The following LRP1B variants were observed in gnomAD, a reference collection of about 807,000 sequenced individuals.
The protein encoded by LRP1B is low-density lipoprotein receptor-related protein 1B.
LRP1B carries 217 observed loss-of-function variants against 556.6 expected under a neutral mutation model. That is an observed-to-expected ratio of 0.39 (90% CI 0.35 to 0.44). LRP1B has a LOEUF of 0.44. LRP1B is among the 20% of genes least tolerant of loss of function. The pLI is 1.00. For synonymous variants in LRP1B, 2,047 were observed against 1,865.8 expected, an observed-to-expected ratio of 1.10 and a Z score of -2.50; for missense variants, 5,053 against 5,620.8, an observed-to-expected ratio of 0.90 and a Z score of 3.23.
At chr2:141,455,908 C>T (rs1681611655) in intron 3 of LRP1B, among the ~76,000 whole-genome samples, 2 of 152,130 alleles carry the variant, frequency 1.3e-5, no homozygotes, top group Admixed American at 1.3e-4. Context: ...TCTACATTAC[C>T]ACTAATTATC....
At chr2:141,025,637 T>A (rs1698196561) in intron 11 of LRP1B, among the ~76,000 whole-genome samples, 1 of 152,060 alleles carries the variant, frequency 6.6e-6, no homozygotes, top group Non-Finnish European at 1.5e-5. Context: ...CAACATCAGC[T>A]CTTTTTGGGT....
chr2:140,386,050 T>G, intron 66 of LRP1B, 41 bp from the exon 67 acceptor site: 4 of 1,265,188 alleles, frequency 3.2e-6, no homozygotes, highest in Non-Finnish European at 4.6e-6. Flanking sequence ...TAGATTTCCA[T>G]GAAGACATCC....
rs113041573 is a variant in LRP1B at position 140,464,162 on chromosome 2, C to T, written c.9626-6511G>A. Among the ~76,000 whole-genome samples the T allele has an allele frequency of 2.4e-3, 367 of 152,084 alleles. 2 individuals are homozygous for T. The highest frequency in any genetic ancestry group is 8.2e-3 in the African/African-American group (342 of 41,486). On this transcript the variant is annotated intron_variant, in intron 60 of 90. Transcript: ENST00000389484. Reference sequence around the variant, plus strand: ...AGTGAGGCAAGATTGTGCCACTGCACTTCAGCCTGGGTGACAGAGCAAGAC... The same window carrying T: ...AGTGAGGCAAGATTGTGCCACTGCATTTCAGCCTGGGTGACAGAGCAAGAC...
rs140577541 is a variant in LRP1B, at chr2:140,501,862, T to C, written c.8675A>G (p.Asn2892Ser). ...PKCKSAEQSC[N>S]SSFFMCKNGR... is the part of the protein sequence containing the mutation. ...ATTTTTGCACATAAAAAATGAACTG[T>C]TGCATGACTGTTCTGGAAAAAAAAT... The change falls in exon 55 of 91, where the codon AAC (asparagine) becomes AGC (serine). Residue 2892 changes from asparagine (N) to serine (S), a missense_variant. By Grantham distance (46) the Asn-to-Ser change is conservative. This residue lies in a region of LRP1B where 3,619 missense variants were observed against 3,931.9 expected (regional missense o/e 0.92). Coordinates refer to ENST00000389484, the MANE Select transcript of LRP1B (RefSeq NM_018557.3). 2.7e-5 allele frequency: 43 copies of C among 1,599,744 alleles called. No homozygotes were observed. The highest frequency in any genetic ancestry group is 3.4e-5 in the Non-Finnish European group (40 of 1,172,546).
chr2:141,365,138 G>C (rs1688969176), intron 3 of LRP1B, among the ~76,000 whole-genome samples: 1 of 152,100 alleles, frequency 6.6e-6, no homozygotes. Flanking sequence ...TGTTCTAATA[G>C]ATTTTCAGTT....
At chr2:140,310,651 G>A (rs939385364) in intron 83 of LRP1B, among the ~76,000 whole-genome samples, 4 of 151,748 alleles carry the variant, frequency 2.6e-5, no homozygotes, top group Non-Finnish European at 5.9e-5. Context: ...ATGTGGAAAG[G>A]ACATCCTATT....
intron 7 of LRP1B, among the ~76,000 whole-genome samples, chr2:141,098,065 T>C (rs75214501): frequency 2.0e-5 from 3 of 152,130 alleles, no homozygotes; most frequent in African/African-American, 7.2e-5. Flanking sequence ...TAATAAAAAG[T>C]GCTTCACACT....
At chr2:140,337,411 A>T (rs1328349849) in intron 77 of LRP1B, among the ~76,000 whole-genome samples, 1 of 151,976 alleles carries the variant, frequency 6.6e-6, no homozygotes, top group Non-Finnish European at 1.5e-5. Flanking sequence ...ATATTCATAG[A>T]TGTTTAGAAT....
intron 1 of LRP1B, among the ~76,000 whole-genome samples, chr2:141,912,233 G>A (rs191063114): frequency 4.4e-4 from 67 of 152,054 alleles, no homozygotes; most frequent in Non-Finnish European, 7.5e-4. Context: ...CTTTCCCATG[G>A]TGTTGGTTTT....
chr2:140,310,730 C>G (rs564024947), intron 83 of LRP1B, among the ~76,000 whole-genome samples: 7 of 151,862 alleles, frequency 4.6e-5, no homozygotes, highest in African/African-American at 1.7e-4. Flanking sequence ...TAACTCTCAC[C>G]ATATACAAAA....
intron 7 of LRP1B, among the ~76,000 whole-genome samples, chr2:141,169,956 A>G (rs1680428539): frequency 6.6e-6 from 1 of 152,078 alleles, no homozygotes. Context: ...ACATCCTCTC[A>G]TAGCTGCCAC....
chr2:141,343,667 G>A (rs1380385999), intron 3 of LRP1B, among the ~76,000 whole-genome samples: 4 of 152,136 alleles, frequency 2.6e-5, no homozygotes, highest in Non-Finnish European at 4.4e-5. Flanking sequence ...CTTACTTTAT[G>A]ATGTGTGAAT....
At chr2:140,641,763 A>G (rs748027496) in intron 41 of LRP1B, among the ~76,000 whole-genome samples, 10 of 152,210 alleles carry the variant, frequency 6.6e-5, no homozygotes, top group Non-Finnish European at 1.3e-4. Context: ...CATGCATATG[A>G]CCATATAGAG....
At chr2:141,915,845 T>C (rs1700016107) in intron 1 of LRP1B, among the ~76,000 whole-genome samples, 2 of 152,104 alleles carry the variant, frequency 1.3e-5, no homozygotes, top group Non-Finnish European at 2.9e-5. Context: ...ACATCACTAA[T>C]TATCAGAGAA....
intron 43 of LRP1B, among the ~76,000 whole-genome samples, chr2:140,549,889 G>A (rs1470311108): frequency 6.6e-6 from 1 of 151,856 alleles, no homozygotes; most frequent in African/African-American, 2.4e-5. Context: ...TTAAGTTCCG[G>A]GGTACATGTG....
chr2:140,318,605 G>A (rs1030522588), intron 82 of LRP1B, among the ~76,000 whole-genome samples: 1 of 151,984 alleles, frequency 6.6e-6, no homozygotes, highest in Non-Finnish European at 1.5e-5. Flanking sequence ...GCCCTTCTAT[G>A]CACGTTATTG....
At chr2:140,573,958 C>T (rs1681422933) in intron 43 of LRP1B, among the ~76,000 whole-genome samples, 1 of 151,790 alleles carries the variant, frequency 6.6e-6, no homozygotes, top group Non-Finnish European at 1.5e-5. Flanking sequence ...CTTCTTATGG[C>T]CTATAAATAA....
chr2:140,667,342 G>C (rs145814497), intron 41 of LRP1B, among the ~76,000 whole-genome samples: 1 of 152,248 alleles, frequency 6.6e-6, no homozygotes, highest in East Asian at 1.9e-4. Flanking sequence ...CAATAGAGTT[G>C]AACCATTTAA....
intron 1 of LRP1B, among the ~76,000 whole-genome samples, chr2:141,921,852 G>A (rs1445781586): frequency 1.3e-5 from 2 of 151,836 alleles, no homozygotes; most frequent in Admixed American, 1.3e-4. Flanking sequence ...AGTAATTACA[G>A]GAAAATAAGG....
Sources: allele counts gnomAD v4.1 joint callset (sites outside exome capture counted in the v4.1 genomes callset), GRCh38; gene constraint gnomAD v4.1.1; regional missense constraint gnomAD v4.1.1; transcripts MANE v1.5; gene names NCBI Gene and HGNC (gene_info 2026-07-23, HGNC 2026-07-21).